EYA2: variants seen among roughly 807,000 people sequenced by gnomAD.
EYA2 encodes the protein protein phosphatase EYA2.
Under a neutral mutation model 69.2 loss-of-function variants are expected in EYA2, and 31 were observed. The observed-to-expected ratio is 0.45, with a 90% CI of 0.34 to 0.60. The LOEUF is 0.60. Among genes scored for constraint, EYA2 ranks in the 20% least tolerant of loss-of-function variants. The pLI is 0.02. For missense variants in EYA2, 622 were observed against 701.2 expected (o/e 0.89, Z 1.28); for synonymous variants, 257 against 279.4 (o/e 0.92, Z 0.80).
intron 1 of EYA2, among the ~76,000 whole-genome samples, chr20:46,937,987 C>T (rs1230259448): frequency 6.6e-6 from 1 of 152,158 alleles, no homozygotes; most frequent in Non-Finnish European, 1.5e-5. Context: ...CACCACAATC[C>T]TATGAGATCG....
At chr20:47,144,225 G>A (rs989205036) in intron 10 of EYA2, among the ~76,000 whole-genome samples, 5 of 151,958 alleles carry the variant, frequency 3.3e-5, no homozygotes, top group South Asian at 2.1e-4. Context: ...GCATGGTGGC[G>A]GGCACCTTTA....
chr20:47,126,539 T>A (rs762278680), intron 9 of EYA2, among the ~76,000 whole-genome samples: 37 of 152,180 alleles, frequency 2.4e-4, no homozygotes, highest in Non-Finnish European at 5.1e-4. Context: ...GACAAGAAAG[T>A]GGCACCTCCC....
intron 12 of EYA2, among the ~76,000 whole-genome samples, chr20:47,179,102 C>T (rs1445265512): frequency 2.0e-5 from 3 of 151,806 alleles, no homozygotes; most frequent in Admixed American, 6.6e-5. Flanking sequence ...TCCACCATAA[C>T]AATATAAGCT....
chr20:46,990,768 G>A (rs552983401), intron 2 of EYA2, among the ~76,000 whole-genome samples: 88 of 152,266 alleles, frequency 5.8e-4, no homozygotes, highest in Non-Finnish European at 1.0e-3. Flanking sequence ...CCCTTTCTTT[G>A]GCCAGCTTTG....
At chr20:46,941,249 G>C (rs914034055) in intron 1 of EYA2, among the ~76,000 whole-genome samples, 1 of 152,242 alleles carries the variant, frequency 6.6e-6, no homozygotes, top group Non-Finnish European at 1.5e-5. Context: ...TCTCTCCTCT[G>C]TAAAATGGGC....
At chr20:46,987,964 C>CTCTCTCTCTCTCTCTA (rs1555809797) in intron 1 of EYA2, among the ~76,000 whole-genome samples, 3 of 11,276 alleles carry the variant, frequency 2.7e-4, no homozygotes, top group African/African-American at 8.3e-4. Flanking sequence ...CTCTCTCTCT[C>CTCTCTCTCTCTCTCTA]TATATATATA....
intron 7 of EYA2, among the ~76,000 whole-genome samples, chr20:47,080,723 A>C (rs2031682217): frequency 6.6e-6 from 1 of 152,084 alleles, no homozygotes; most frequent in Admixed American, 6.5e-5. Flanking sequence ...GAAGCCTCAC[A>C]ATCATGGCTG....
intron 9 of EYA2, among the ~76,000 whole-genome samples, chr20:47,111,162 A>G (rs2032738033): frequency 6.6e-6 from 1 of 152,236 alleles, no homozygotes; most frequent in African/African-American, 2.4e-5. Flanking sequence ...GCTGAGAAAG[A>G]CATCTTGAAG....
At chr20:47,080,945 G>A (rs1462424608) in intron 7 of EYA2, among the ~76,000 whole-genome samples, 8 of 152,184 alleles carry the variant, frequency 5.3e-5, no homozygotes, top group Non-Finnish European at 8.8e-5. Context: ...ATAGTTCTCC[G>A]TAACCTCGAA....
chr20:47,097,984 C>T (rs2032302722), intron 9 of EYA2, among the ~76,000 whole-genome samples: 1 of 152,150 alleles, frequency 6.6e-6, no homozygotes, highest in Admixed American at 6.5e-5. Flanking sequence ...CTTGCCAGCG[C>T]CTGGAAAATA....
At chr20:47,072,083 C>A in intron 5 of EYA2, 102 bp from the exon 6 acceptor site, 2 of 1,086,832 alleles carry the variant, frequency 1.8e-6, no homozygotes, top group South Asian at 1.3e-5. Flanking sequence ...AGCTGTCACC[C>A]TTGAAGCCAC....
At chr20:47,156,425 A>G (rs1326341215) in intron 10 of EYA2, among the ~76,000 whole-genome samples, 1 of 151,626 alleles carries the variant, frequency 6.6e-6, no homozygotes, top group Non-Finnish European at 1.5e-5. Flanking sequence ...TGACGCAGGA[A>G]TGGCCAGGCA....
At chr20:47,114,703 A>T (rs2032844020) in intron 9 of EYA2, among the ~76,000 whole-genome samples, 1 of 152,256 alleles carries the variant, frequency 6.6e-6, no homozygotes. Context: ...CTCATGTTAA[A>T]TTATAATCCC....
chr20:47,110,709 A>G (rs918997831), intron 9 of EYA2, among the ~76,000 whole-genome samples: 3 of 152,340 alleles, frequency 2.0e-5, no homozygotes, highest in Non-Finnish European at 2.9e-5. Context: ...CCACTGGACA[A>G]ATATTTGTTG....
At chr20:47,139,454 C>T (rs144139279) in intron 9 of EYA2, among the ~76,000 whole-genome samples, 4 of 152,026 alleles carry the variant, frequency 2.6e-5, no homozygotes, top group Non-Finnish European at 4.4e-5. Context: ...TTTTTTGGTA[C>T]GGAGTTTCAC....
intron 4 of EYA2, among the ~76,000 whole-genome samples, chr20:47,006,681 C>G (rs58880746): frequency 0.018 from 2,815 of 152,214 alleles, 83 homozygotes; most frequent in African/African-American, 0.064. Context: ...AGACAGTGGT[C>G]AACAAAGCAG....
intron 3 of EYA2, among the ~76,000 whole-genome samples, chr20:47,003,806 A>T (rs1317774942): frequency 6.6e-6 from 1 of 152,216 alleles, no homozygotes. Flanking sequence ...TCATGGTTCC[A>T]AGCATGGGCT....
chr20:47,182,820 CCA>C (rs2034564019), intron 14 of EYA2, among the ~76,000 whole-genome samples: 1 of 151,608 alleles, frequency 6.6e-6, no homozygotes. Context: ...GCCTACAGTC[CCA>C]GTTACTCAGG....
intron 13 of EYA2, 45 bp downstream of exon 13, chr20:47,179,957 G>T (rs575961338): frequency 3.0e-5 from 42 of 1,407,034 alleles, no homozygotes; most frequent in Non-Finnish European, 3.9e-5. Flanking sequence ...GAACTTTCTC[G>T]CAGTAGACAG....
Sources: gnomAD v4.1 joint callset for allele counts (sites outside exome capture counted in the v4.1 genomes callset) on GRCh38, gnomAD v4.1.1 for gene constraint, MANE v1.5 for transcripts, NCBI Gene and HGNC (gene_info 2026-07-23, HGNC 2026-07-21) for gene names.